The following ZNF546 variants were observed in gnomAD, a reference collection of about 807,000 sequenced individuals.
ZNF546 encodes CTC-471F3.6.
In ZNF546, 60 loss-of-function variants were observed where a neutral mutation model predicts 76.2. The observed-to-expected ratio is 0.79, with a 90% CI of 0.64 to 0.98. ZNF546 has a LOEUF of 0.98. Ranked by LOEUF, ZNF546 falls within the 50% of genes least tolerant of loss-of-function variation. The probability of loss-of-function intolerance (pLI) is 0.00; values close to 1 mark genes in which losing one functional copy is unlikely to be tolerated. For synonymous variants in ZNF546, 277 were observed against 328.1 expected, an observed-to-expected ratio of 0.84 and a Z score of 1.68; for missense variants, 936 against 1,035.6, an observed-to-expected ratio of 0.90 and a Z score of 1.32.
chr19:40,014,821 A>T lies in ZNF546; in HGVS notation c.1551A>T (p.Arg517Ser). The T allele has an allele frequency of 6.2e-7, 1 of 1,613,968 alleles. No individual in the cohort carries two copies. Among genetic ancestry groups the T allele is most frequent in the Non-Finnish European group, 8.5e-7 (1 of 1,179,992 alleles). The change falls in exon 7 of 7, where the codon AGA becomes AGT. Residue 517 changes from arginine to serine, a missense_variant. Transcript: ENST00000347077. ...GCTATCATCTCACTCAACACTACAG[A>T]ATTCATACTGGTGAGAAACCCTACA... Reference protein sequence around the residue: ...SSRYHLTQHYRIHTGEKPYIC... With the variant: ...SSRYHLTQHYSIHTGEKPYIC...
intron 3 of ZNF546, among the ~76,000 whole-genome samples, chr19:40,001,345 G>A (rs1198597909): frequency 6.6e-6 from 1 of 151,066 alleles, no homozygotes; most frequent in Non-Finnish European, 1.5e-5. Context: ...TTTGGTAGTT[G>A]CAAGAACAAA....
In ZNF546 at chr19:40,015,175, A is replaced by T. The variant is rs1373360837; in HGVS notation, c.1905A>T (p.Lys635Asn). The T allele has an allele frequency of 1.2e-6, 2 of 1,613,712 alleles. No homozygotes were observed. The highest frequency in any genetic ancestry group is 1.7e-6 in the Non-Finnish European group (2 of 1,179,972). Residue 635 changes from lysine to asparagine, a missense_variant, in exon 7 of 7, where the codon AAA (lysine) becomes AAT (asparagine). Coordinates refer to ENST00000347077, the MANE Select transcript of ZNF546 (RefSeq NM_178544.5). ...ATCACAGAATTCATACTGGTGAAAA[A>T]CCCTATAAATGTACAGAATGTGGGA... ...TQHHRIHTGEKPYKCTECGKA... is the reference protein window; with the variant it reads ...TQHHRIHTGENPYKCTECGKA...
chr19:40,010,496 C>T (rs1971658017), intron 6 of ZNF546, among the ~76,000 whole-genome samples: 1 of 151,868 alleles, frequency 6.6e-6, no homozygotes, highest in South Asian at 2.1e-4. Context: ...TTCTTGTTAG[C>T]ACTTTGGTAT....
At chr19:40,007,108 G>A (rs577343556) in intron 4 of ZNF546, among the ~76,000 whole-genome samples, 166 bp from the exon 5 acceptor site, 13 of 152,272 alleles carry the variant, frequency 8.5e-5, no homozygotes, top group South Asian at 2.1e-4. Flanking sequence ...CTTTAAAAGC[G>A]TATGAACACT....
chr19:40,004,261 T>C (rs1372416102), intron 3 of ZNF546, among the ~76,000 whole-genome samples: 2 of 151,598 alleles, frequency 1.3e-5, no homozygotes. Context: ...GGTGTGTATA[T>C]TTTAAATTTT....
Position 40,013,661 on chromosome 19 carries a change from G to C in ZNF546, c.395-4G>C. 4.7e-6 allele frequency: 2 copies of C among 425,022 alleles called. No homozygotes were observed. The highest frequency in any genetic ancestry group is 8.0e-5 in the South Asian group (1 of 12,500). 26.3% of individuals were successfully genotyped at this position (425,022 alleles called of 1,614,324 possible). ...TTTGCTTTTTTTTTTTTTTTTTTTT[G>C]CAGATTTGGAATACAAGTATATTAC... On this transcript the variant is annotated splice_region_variant and splice_polypyrimidine_tract_variant and intron_variant, in intron 6 of 6. Coordinates refer to ENST00000347077, the MANE Select transcript of ZNF546 (RefSeq NM_178544.5).
Position 40,007,415 on chromosome 19 carries a change from G to A in ZNF546, c.298+15G>A, listed in dbSNP as rs545924388. On this transcript the variant is annotated intron_variant, in intron 5 of 6. Transcript: ENST00000347077. ...GGTCTCACTGGGTAAGGTATCTTTC[G>A]AAATCGTTTACAATCTGTTTTCTGG... 5.8e-5 allele frequency: 92 copies of A among 1,573,154 alleles called. No homozygotes were observed. In the South Asian group the frequency reaches 6.8e-4, roughly 12 times the overall value.
rs1041927827 is a variant in ZNF546 at position 40,017,396 on chromosome 19, C to G, written c.*1615C>G. The stretch of plus-strand genomic sequence containing the variant: ...TAAAAGAATAATGAACAGTTATGTT[C>G]TATCTAGATTCAGCAATTGTTAATA... On this transcript the variant is annotated 3_prime_UTR_variant, in exon 7 of 7. Transcript: ENST00000347077. 6.6e-6 allele frequency: 1 copy of G among 152,148 alleles called. No individual in the cohort carries two copies. Among genetic ancestry groups the G allele is most frequent in the African/African-American group, 2.4e-5 (1 of 41,396 alleles). The allele number at this position is 152,148 out of a possible 1,614,324, so 9.4% of individuals were successfully genotyped here. A position where few individuals can be genotyped will look rare whatever the true frequency, so the allele number is the denominator to read the frequency against.
At chr19:39,998,433 G>A (rs1271036490) in intron 3 of ZNF546, 23 bp downstream of exon 3, 4 of 1,590,336 alleles carry the variant, frequency 2.5e-6, no homozygotes, top group Non-Finnish European at 1.7e-6. Flanking sequence ...ATATCCTGGA[G>A]TCTAAAGTTA....
At position 40,006,082 on chromosome 19, in the gene ZNF546, G is replaced by T. The variant is rs985843557; in HGVS notation, c.85-14G>T. 1.9e-6 allele frequency: 3 copies of T among 1,612,962 alleles called. No individual in the cohort carries two copies. Among genetic ancestry groups the T allele is most frequent in the South Asian group, 1.1e-5 (1 of 90,986 alleles). On this transcript the variant is annotated splice_polypyrimidine_tract_variant and intron_variant, in intron 3 of 6. Coordinates refer to ENST00000347077, the MANE Select transcript of ZNF546 (RefSeq NM_178544.5). ...CACACATCTGGTCTCAGAGTCACTT[G>T]TTCTTCCCCCCAGCCCCGGTTTCTC...
At chr19:40,003,944 G>A (rs1405595789) in intron 3 of ZNF546, among the ~76,000 whole-genome samples, 1 of 150,758 alleles carries the variant, frequency 6.6e-6, no homozygotes, top group Non-Finnish European at 1.5e-5. Context: ...CCTAGGAGGC[G>A]GAGTCTACAG....
chr19:39,998,611 A>T, intron 3 of ZNF546: 1 of 539,956 alleles, frequency 1.9e-6, no homozygotes. Flanking sequence ...TAGAAGTGGG[A>T]ATGTGATTGG....
chr19:40,006,322 G>A (rs1599740877), intron 4 of ZNF546, 140 bp downstream of exon 4: 1 of 675,696 alleles, frequency 1.5e-6, no homozygotes, highest in Non-Finnish European at 2.5e-6. Flanking sequence ...TTACAGTGAA[G>A]GATAGTGCCA....
In ZNF546 at chr19:40,020,998, C is replaced by A. The variant is rs2144658937; in HGVS notation, c.*5217C>A. 1 of 152,222 alleles carries A rather than the reference C, an allele frequency of 6.6e-6. No homozygotes were observed. Among genetic ancestry groups the A allele is most frequent in the East Asian group, 1.9e-4 (1 of 5,192 alleles). The allele number at this position is 152,222 out of a possible 1,614,324, so 9.4% of individuals were successfully genotyped here. ...TGGTATTTATGTTTTAACAGGTTTTCACTATTTCAAATATACTTCAATAAA... is the reference window on the plus strand; with the variant it reads ...TGGTATTTATGTTTTAACAGGTTTTAACTATTTCAAATATACTTCAATAAA... On this transcript the variant is annotated 3_prime_UTR_variant, in exon 7 of 7. Coordinates refer to ENST00000347077, the MANE Select transcript of ZNF546 (RefSeq NM_178544.5).
At position 40,012,816 on chromosome 19, in the gene ZNF546, C is replaced by CTT. The variant is rs879507609; in HGVS notation, c.395-835_395-834dup. Among the ~76,000 whole-genome samples, 402 of 141,566 alleles carry CTT rather than the reference C, an allele frequency of 2.8e-3. 2 individuals are homozygous for CTT. The highest frequency in any genetic ancestry group is 5.4e-3 in the South Asian group (24 of 4,440). 92.9% of individuals were successfully genotyped at this position (141,566 alleles called of 152,430 possible). Reference sequence around the variant, plus strand: ...TATCCTATTCACCTATTTTACCATTCTTTTTTTTTTTTTTTGAGACAGAGT... The same window carrying CTT: ...TATCCTATTCACCTATTTTACCATTCTTTTTTTTTTTTTTTTTGAGACAGAGT... On this transcript the variant is annotated intron_variant, in intron 6 of 6. Transcript: ENST00000347077.
At chr19:40,004,716 ATGTG>A (rs1042650439) in intron 3 of ZNF546, among the ~76,000 whole-genome samples, 1 of 150,806 alleles carries the variant, frequency 6.6e-6, no homozygotes, top group Non-Finnish European at 1.5e-5. Context: ...TTCTTTATGT[ATGTG>A]TGTGTGTGTG....
At position 40,001,653 on chromosome 19, in the gene ZNF546, C is replaced by T. The variant is rs537773778; in HGVS notation, c.84+3243C>T. ...CTGGGATTACAAGTGTGAGCCACCG[C>T]GCTCTACCAAGAAGAGATTTCTTGA... On this transcript the variant is annotated intron_variant, in intron 3 of 6. Transcript: ENST00000347077. Among the ~76,000 whole-genome samples the T allele has an allele frequency of 7.9e-5, 12 of 151,376 alleles. No homozygotes were observed. In the South Asian group the frequency reaches 8.3e-4, roughly 11 times the overall value.
rs753746785 is a variant in ZNF546, at chr19:40,014,945, G to A, written c.1675G>A (p.Gly559Arg). 6 of 1,614,026 alleles carry A rather than the reference G, an allele frequency of 3.7e-6. No individual in the cohort carries two copies. In the African/African-American group the frequency reaches 8.0e-5, roughly 22 times the overall value. The change falls in exon 7 of 7, where the codon GGG becomes AGG. Residue 559 changes from glycine to arginine, a missense_variant. By Grantham distance (125) the Gly-to-Arg change is moderately radical. Coordinates refer to ENST00000347077, the MANE Select transcript of ZNF546 (RefSeq NM_178544.5). ...GAAACCCTATGAATGTAAGGAATGT[G>A]GGAAGGCTTTTATTCATAGCAATCA... ...CEKPYECKECGKAFIHSNQFI... is the reference protein window; with the variant it reads ...CEKPYECKECRKAFIHSNQFI...
In ZNF546 at chr19:40,004,005, C is replaced by CT. The variant is rs966512570; in HGVS notation, c.85-2090dup. On this transcript the variant is annotated intron_variant, in intron 3 of 6. Coordinates refer to ENST00000347077, the MANE Select transcript of ZNF546 (RefSeq NM_178544.5). ...CCAGCCTGGGTGACAGAGTGAGACT[C>CT]TATCTCAAAAAAATATATATATATA... Among the ~76,000 whole-genome samples, 6 of 128,662 alleles carry CT rather than the reference C, an allele frequency of 4.7e-5. No individual in the cohort carries two copies. In the East Asian group the frequency reaches 8.5e-4, roughly 18 times the overall value. The allele number at this position is 128,662 out of a possible 152,430, so 84.4% of individuals were successfully genotyped here.
Sources: gnomAD v4.1 joint callset for allele counts (sites outside exome capture counted in the v4.1 genomes callset) on GRCh38, gnomAD v4.1.1 for gene constraint, MANE v1.5 for transcripts, NCBI Gene and HGNC (gene_info 2026-07-23, HGNC 2026-07-21) for gene names.